The following LRP1B variants were observed in gnomAD, a reference collection of about 807,000 sequenced individuals.
The protein encoded by LRP1B is low-density lipoprotein receptor-related protein 1B.
LRP1B carries 217 observed loss-of-function variants against 556.6 expected under a neutral mutation model. The ratio of observed to expected loss-of-function variants is 0.39; its 90% CI spans 0.35 to 0.44. The LOEUF is 0.44. Ranked by LOEUF, LRP1B falls within the 20% of genes least tolerant of loss-of-function variation. LRP1B has a pLI of 1.00. For missense variants in LRP1B, 5,053 were observed against 5,620.8 expected, an observed-to-expected ratio of 0.90 and a Z score of 3.23; for synonymous variants, 2,047 against 1,865.8, an observed-to-expected ratio of 1.10 and a Z score of -2.50.
intron 3 of LRP1B, among the ~76,000 whole-genome samples, chr2:141,453,169 A>G (rs1259682963): frequency 6.6e-6 from 1 of 151,972 alleles, no homozygotes. Context: ...CCCAGGAGAC[A>G]GAGTTTGCAG....
chr2:141,323,361 T>C (rs998451273), intron 3 of LRP1B, among the ~76,000 whole-genome samples: 1 of 152,064 alleles, frequency 6.6e-6, no homozygotes, highest in Non-Finnish European at 1.5e-5. Flanking sequence ...AGGTATAAAA[T>C]AAATGTTTGT....
chr2:140,418,134 G>A (rs1442098787), intron 66 of LRP1B, among the ~76,000 whole-genome samples: 1 of 152,216 alleles, frequency 6.6e-6, no homozygotes, highest in Non-Finnish European at 1.5e-5. Flanking sequence ...AATGACAACT[G>A]TGAACAAATC....
intron 2 of LRP1B, among the ~76,000 whole-genome samples, chr2:141,709,596 A>C (rs889752348): frequency 2.0e-5 from 3 of 152,128 alleles, no homozygotes; most frequent in Admixed American, 6.6e-5. Context: ...AGATAGAAAA[A>C]GTATTAAGAC....
At chr2:141,057,326 C>A (rs1302631010) in intron 9 of LRP1B, among the ~76,000 whole-genome samples, 2 of 151,854 alleles carry the variant, frequency 1.3e-5, no homozygotes, top group Non-Finnish European at 2.9e-5. Context: ...CTTCTCTTTT[C>A]CTTGTTCGTT....
intron 83 of LRP1B, among the ~76,000 whole-genome samples, chr2:140,311,363 A>C: frequency 6.6e-6 from 1 of 151,842 alleles, no homozygotes; most frequent in East Asian, 1.9e-4. Context: ...GAAAAAAATA[A>C]AATCATGTTT....
At chr2:140,502,817 A>G in intron 54 of LRP1B, 146 bp downstream of exon 54, 1 of 683,292 alleles carries the variant, frequency 1.5e-6, no homozygotes, top group Non-Finnish European at 2.3e-6. Context: ...AGAGTCAATT[A>G]CTAGTACCCT....
intron 86 of LRP1B, chr2:140,269,414 A>G (rs921216924): frequency 6.4e-6 from 3 of 466,738 alleles, no homozygotes; most frequent in Non-Finnish European, 1.3e-5. Flanking sequence ...AGCTAAATAA[A>G]GCGTCTGACT....
chr2:141,821,213 T>G (rs1696741535), intron 1 of LRP1B, among the ~76,000 whole-genome samples: 1 of 152,226 alleles, frequency 6.6e-6, no homozygotes, highest in Non-Finnish European at 1.5e-5. Context: ...GACAGAAATT[T>G]GTATTGCTTC....
At position 141,173,576 on chromosome 2, in the gene LRP1B, A is replaced by G. The variant is rs151052221; in HGVS notation, c.1013+14845T>C. 4.0e-3 allele frequency among the ~76,000 whole-genome samples: 603 copies of G among 152,236 alleles called. 5 individuals are homozygous for G. Among genetic ancestry groups the G allele is most frequent in the African/African-American group, 0.013 (549 of 41,576 alleles). ...TTTAGCTCTTTCAGACTTAAGTGAT[A>G]TAGATTAATAGTCTATATTGTGGGG... On this transcript the variant is annotated intron_variant, in intron 7 of 90. Coordinates refer to ENST00000389484, the MANE Select transcript of LRP1B (RefSeq NM_018557.3).
intron 1 of LRP1B, among the ~76,000 whole-genome samples, chr2:141,822,116 C>G (rs555107239): frequency 0.05 from 5,052 of 101,314 alleles, 125 homozygotes; most frequent in Middle Eastern, 0.082. Context: ...CACACACACA[C>G]ACACACACAC....
intron 43 of LRP1B, among the ~76,000 whole-genome samples, chr2:140,581,544 G>T (rs59447960): frequency 7.3e-5 from 11 of 151,460 alleles, no homozygotes; most frequent in Non-Finnish European, 1.3e-4. Context: ...ATGTCTTCAC[G>T]TTTTTTGTCC....
chr2:140,850,977 A>G (rs1018831342), intron 28 of LRP1B, among the ~76,000 whole-genome samples: 2 of 152,190 alleles, frequency 1.3e-5, no homozygotes, highest in South Asian at 2.1e-4. Context: ...TGGTGTTGAG[A>G]TATGTTATTA....
intron 86 of LRP1B, among the ~76,000 whole-genome samples, chr2:140,256,647 T>A (rs1172678354): frequency 2.0e-5 from 3 of 151,314 alleles, no homozygotes; most frequent in African/African-American, 7.3e-5. Flanking sequence ...TTTTGTATTC[T>A]TAGTAGAGAT....
intron 20 of LRP1B, 86 bp downstream of exon 20, chr2:140,950,149 T>A (rs1695670327): frequency 2.0e-6 from 2 of 1,022,818 alleles, no homozygotes; most frequent in Non-Finnish European, 2.7e-6. Context: ...AATTTCTTTT[T>A]ATACAATATT....
At chr2:141,427,712 A>T (rs1680420183) in intron 3 of LRP1B, among the ~76,000 whole-genome samples, 2 of 152,104 alleles carry the variant, frequency 1.3e-5, no homozygotes, top group Non-Finnish European at 2.9e-5. Flanking sequence ...TTGGTTGGTT[A>T]ATTGTTTCTC....
chr2:142,002,160 G>C (rs1428191104), intron 1 of LRP1B, among the ~76,000 whole-genome samples: 2 of 152,030 alleles, frequency 1.3e-5, no homozygotes, highest in African/African-American at 4.8e-5. Flanking sequence ...ATTATATATT[G>C]AGTGTGTCAT....
chr2:141,975,526 C>G (rs1205614678), intron 1 of LRP1B, among the ~76,000 whole-genome samples: 2 of 152,066 alleles, frequency 1.3e-5, no homozygotes, highest in African/African-American at 4.8e-5. Context: ...CTGGGTGGCA[C>G]ACTCTAATTC....
intron 41 of LRP1B, among the ~76,000 whole-genome samples, chr2:140,676,026 A>C (rs577857408): frequency 6.6e-6 from 1 of 152,340 alleles, no homozygotes; most frequent in South Asian, 2.1e-4. Context: ...TGTCATAAGG[A>C]AATTTAGAAT....
chr2:140,878,539 A>G (rs1693377805), intron 25 of LRP1B, among the ~76,000 whole-genome samples: 1 of 152,144 alleles, frequency 6.6e-6, no homozygotes, highest in Admixed American at 6.5e-5. Flanking sequence ...TCTCACTTCA[A>G]TTTAATTTTG....
Sources: allele counts gnomAD v4.1 joint callset (sites outside exome capture counted in the v4.1 genomes callset), GRCh38; gene constraint gnomAD v4.1.1; transcripts MANE v1.5; gene names NCBI Gene and HGNC (gene_info 2026-07-23, HGNC 2026-07-21).